LAMA2: variants seen among roughly 807,000 people sequenced by gnomAD.
LAMA2 encodes the protein laminin subunit alpha 2, also known as laminin subunit alpha-2.
In LAMA2, 269 loss-of-function variants were observed where a neutral mutation model predicts 364.8. The observed-to-expected ratio is 0.74, with a 90% CI of 0.67 to 0.82. The LOEUF (loss-of-function observed/expected upper bound fraction) is 0.82, where lower values mean the gene tolerates loss of function less well. LAMA2 is among the 40% of genes least tolerant of loss of function. The pLI, the probability that LAMA2 is intolerant of heterozygous loss-of-function variation, is 0.00. For synonymous variants in LAMA2, 1,379 were observed against 1,370.6 expected (o/e 1.01, Z -0.14); for missense variants, 3,807 against 3,873.2 (o/e 0.98, Z 0.45).
intron 4 of LAMA2, among the ~76,000 whole-genome samples, chr6:129,141,037 A>G (rs59319869): frequency 0.087 from 13,200 of 152,128 alleles, 675 homozygotes; most frequent in African/African-American, 0.14. Context: ...ATGATTCACC[A>G]CAGCATTCAC....
chr6:129,512,741 C>T (rs1450139311), intron 63 of LAMA2, among the ~76,000 whole-genome samples: 11 of 152,080 alleles, frequency 7.2e-5, no homozygotes, highest in Admixed American at 7.2e-4. Context: ...TAATAATGAA[C>T]CAAATAGTTT....
At chr6:128,974,197 A>G (rs1203314054) in intron 1 of LAMA2, among the ~76,000 whole-genome samples, 1 of 152,176 alleles carries the variant, frequency 6.6e-6, no homozygotes, top group East Asian at 1.9e-4. Context: ...TAGTTGCTTT[A>G]TTAAGCACAG....
At chr6:129,432,278 C>A (rs544253690) in intron 41 of LAMA2, among the ~76,000 whole-genome samples, 1 of 152,132 alleles carries the variant, frequency 6.6e-6, no homozygotes, top group South Asian at 2.1e-4. Context: ...AAAATAAAAC[C>A]AGGGTGGACT....
intron 55 of LAMA2, 81 bp downstream of exon 55, chr6:129,481,520 G>A (rs751968849): frequency 2.1e-5 from 25 of 1,180,852 alleles, no homozygotes; most frequent in South Asian, 2.4e-5. Flanking sequence ...TTTTAGTTTC[G>A]TATCATTTAT....
At chr6:129,497,559 T>C (rs2114873209) in intron 58 of LAMA2, among the ~76,000 whole-genome samples, 1 of 152,336 alleles carries the variant, frequency 6.6e-6, no homozygotes, top group Non-Finnish European at 1.5e-5. Context: ...TTAAGAGTTG[T>C]TATTTAAGAA....
Position 129,315,420 on chromosome 6 carries a change from T to C in LAMA2, c.3556-56T>C. On this transcript the variant is annotated intron_variant, in intron 24 of 64. Coordinates refer to ENST00000421865, the MANE Select transcript of LAMA2 (RefSeq NM_000426.4). ...AGACATGCAGTTCGTAACTTAGTTTTAAAGAAATGTCCAAAGCGTAAATTC... is the reference window on the plus strand; with the variant it reads ...AGACATGCAGTTCGTAACTTAGTTTCAAAGAAATGTCCAAAGCGTAAATTC... The C allele has an allele frequency of 3.3e-6, 5 of 1,511,352 alleles. No individual in the cohort carries two copies. The South Asian group carries it at 5.6e-5, about 17-fold the overall frequency. The allele number at this position is 1,511,352 out of a possible 1,614,324, so 93.6% of individuals were successfully genotyped here. A position where few individuals can be genotyped will look rare whatever the true frequency, so the allele number is the denominator to read the frequency against.
chr6:129,115,471 T>C (rs1776423250), intron 4 of LAMA2, among the ~76,000 whole-genome samples: 1 of 152,052 alleles, frequency 6.6e-6, no homozygotes, highest in Non-Finnish European at 1.5e-5. Context: ...CTGTAAGAAA[T>C]GTATTTTCCC....
In LAMA2 at chr6:129,205,450, ACTTCT is replaced by A. The variant is rs1226102065; in HGVS notation, c.1782+12603_1782+12607del. Among the ~76,000 whole-genome samples the A allele has an allele frequency of 4.8e-5, 7 of 147,028 alleles. 1 individual carries two copies. Among genetic ancestry groups the A allele is most frequent in the Admixed American group, 2.0e-4 (3 of 14,862 alleles). On this transcript the variant is annotated intron_variant, in intron 12 of 64. Coordinates refer to ENST00000421865, the MANE Select transcript of LAMA2 (RefSeq NM_000426.4). ...AAGTTATAAATGCACAGTCTTACAT[ACTTCT>A]CTTCTGGGAATTTATTCTGTAAGTA...
chr6:129,445,797 C>A lies in LAMA2; in HGVS notation c.6405C>A (p.Asn2135Lys), dbSNP rs376452979. 3 of 1,613,630 alleles carry A rather than the reference C, an allele frequency of 1.9e-6. No homozygotes were observed. Among genetic ancestry groups the A allele is most frequent in the Non-Finnish European group, 2.5e-6 (3 of 1,179,690 alleles). ...TCTCTGAGATAAAGGAATTGATAAA[C>A]CAAGCTCGGAAACAAGCCAATTCTG... ...KNISEIKELI[N>K]QARKQANSIK... Residue 2135 changes from asparagine (N) to lysine (K), a missense_variant, in exon 45 of 65, where the codon AAC becomes AAA. By Grantham distance (94) the Asn-to-Lys change is moderately conservative. Around this residue, in one of 3 missense-constraint regions of LAMA2, gnomAD observed 3,333 missense variants for 3,345.7 expected, o/e 1.00. Transcript: ENST00000421865.
At chr6:128,931,287 TA>T (rs1219536468) in intron 1 of LAMA2, among the ~76,000 whole-genome samples, 2 of 152,224 alleles carry the variant, frequency 1.3e-5, no homozygotes, top group African/African-American at 4.8e-5. Flanking sequence ...GTCTTTATTG[TA>T]GTTCTTATCA....
intron 8 of LAMA2, chr6:129,157,959 T>A (rs1464582557): frequency 6.2e-7 from 1 of 1,613,912 alleles, no homozygotes; most frequent in Non-Finnish European, 8.5e-7. Context: ...TGTGTCACTG[T>A]TGAATTTAAC....
At chr6:129,438,790 G>A in intron 42 of LAMA2, 28 bp downstream of exon 42, 1 of 1,124,012 alleles carries the variant, frequency 8.9e-7, no homozygotes, top group Non-Finnish European at 1.4e-6. Flanking sequence ...TACCAACTGT[G>A]TCAGTTGACC....
intron 7 of LAMA2, among the ~76,000 whole-genome samples, chr6:129,151,505 T>G (rs1172141254): frequency 2.0e-5 from 3 of 152,122 alleles, no homozygotes; most frequent in Non-Finnish European, 4.4e-5. Flanking sequence ...CTGGGCCACA[T>G]AGTGAGACCC....
intron 1 of LAMA2, among the ~76,000 whole-genome samples, chr6:129,013,304 G>A (rs1046294796): frequency 6.6e-6 from 1 of 152,120 alleles, no homozygotes; most frequent in East Asian, 1.9e-4. Context: ...CGGCGTGGTG[G>A]CGGGCGCCTG....
At chr6:129,238,527 T>C (rs866388233) in intron 12 of LAMA2, among the ~76,000 whole-genome samples, 15 of 151,882 alleles carry the variant, frequency 9.9e-5, no homozygotes, top group Admixed American at 3.9e-4. Context: ...TTTTGCATTA[T>C]AGTCACATGA....
At chr6:129,189,157 T>C (rs1420326212) in intron 10 of LAMA2, among the ~76,000 whole-genome samples, 1 of 152,048 alleles carries the variant, frequency 6.6e-6, no homozygotes, top group African/African-American at 2.4e-5. Flanking sequence ...CTTTGAGCAA[T>C]ACTTTTTTGT....
intron 16 of LAMA2, among the ~76,000 whole-genome samples, chr6:129,268,496 T>G (rs1415010010): frequency 6.6e-6 from 1 of 152,110 alleles, no homozygotes; most frequent in Non-Finnish European, 1.5e-5. Flanking sequence ...TATAGTCATA[T>G]TTCATGAATT....
chr6:128,982,046 C>G (rs1415717448), intron 1 of LAMA2, among the ~76,000 whole-genome samples: 1 of 152,138 alleles, frequency 6.6e-6, no homozygotes, highest in African/African-American at 2.4e-5. Context: ...TACTGCATTG[C>G]TCCTTGAGGT....
chr6:129,075,299 C>G (rs535772662), intron 3 of LAMA2, among the ~76,000 whole-genome samples: 1 of 151,994 alleles, frequency 6.6e-6, no homozygotes, highest in African/African-American at 2.4e-5. Flanking sequence ...ACCTAGTGAT[C>G]AAGAGCAAAG....
Sources: gnomAD v4.1 joint callset for allele counts (sites outside exome capture counted in the v4.1 genomes callset) on GRCh38, gnomAD v4.1.1 for gene constraint, gnomAD v4.1.1 regional missense constraint, MANE v1.5 for transcripts, NCBI Gene and HGNC (gene_info 2026-07-23, HGNC 2026-07-21) for gene names.